RHBDD1: variants seen among roughly 807,000 people sequenced by gnomAD.
RHBDD1 encodes rhomboid-related protein 4.
RHBDD1 carries 38 observed loss-of-function variants against 36.3 expected under a neutral mutation model. The observed-to-expected ratio is 1.05, with a 90% CI of 0.81 to 1.37. RHBDD1 has a LOEUF of 1.37. RHBDD1 is among the 40% of genes most tolerant of loss of function. The pLI is 0.00. For synonymous variants in RHBDD1, 151 were observed against 136.5 expected (o/e 1.11, Z -0.74); for missense variants, 393 against 377.6 (o/e 1.04, Z -0.34).
intron 7 of RHBDD1, among the ~76,000 whole-genome samples, chr2:226,909,614 G>T (rs1948370192): frequency 6.6e-6 from 1 of 152,092 alleles, no homozygotes; most frequent in South Asian, 2.1e-4. Flanking sequence ...AGGTCATGAG[G>T]GTAGGGCCCT....
At chr2:226,939,813 A>G (rs937314977) in intron 8 of RHBDD1, among the ~76,000 whole-genome samples, 2 of 152,326 alleles carry the variant, frequency 1.3e-5, no homozygotes, top group African/African-American at 2.4e-5. Flanking sequence ...AGCCAAGGCA[A>G]TCCTAAGCAA....
chr2:226,912,838 G>A (rs10167422), intron 7 of RHBDD1, among the ~76,000 whole-genome samples: 66,425 of 151,918 alleles, frequency 0.44, 14,691 homozygotes, highest in South Asian at 0.5. Flanking sequence ...TACACTTTAA[G>A]TTGATAAATT....
At chr2:226,828,423 G>C in the RHBDD1 span, among the ~76,000 whole-genome samples, 1 of 152,064 alleles carries the variant, frequency 6.6e-6, no homozygotes, top group Non-Finnish European at 1.5e-5. Flanking sequence ...CATTTCTCTT[G>C]GGTAGATTCC....
chr2:226,886,808 CTT>C (rs1428485212), intron 5 of RHBDD1, among the ~76,000 whole-genome samples: 1 of 152,148 alleles, frequency 6.6e-6, no homozygotes, highest in East Asian at 1.9e-4. Context: ...CTTTGGCAAA[CTT>C]TTAAATGCTT....
At chr2:226,894,415 C>T (rs1008508886) in intron 5 of RHBDD1, among the ~76,000 whole-genome samples, 3 of 151,980 alleles carry the variant, frequency 2.0e-5, no homozygotes, top group Non-Finnish European at 4.4e-5. Context: ...GATTTACAGG[C>T]GTGCACCACC....
At chr2:226,985,631 A>C (rs1330883987) in intron 8 of RHBDD1, among the ~76,000 whole-genome samples, 1 of 152,254 alleles carries the variant, frequency 6.6e-6, no homozygotes, top group Admixed American at 6.5e-5. Flanking sequence ...CATCGGAGTC[A>C]CCCGGGAGCT....
Position 226,948,566 on chromosome 2 carries a change from AAAAAAAAAAAAAAAAAAAACG to A in RHBDD1, c.856+34223_856+34243del, listed in dbSNP as rs1187490085. The stretch of plus-strand genomic sequence containing the variant: ...CATGTACCCTAAAACTTAAAGTATA[AAAAAAAAAAAAAAAAAAAACG>A]AAAAAAATAAAAATAAAAAAAAATA... On this transcript the variant is annotated intron_variant, in intron 8 of 8. Coordinates refer to ENST00000392062, the MANE Select transcript of RHBDD1 (RefSeq NM_001167608.3). Among the ~76,000 whole-genome samples, 6 of 91,740 alleles carry A rather than the reference AAAAAAAAAAAAAAAAAAAACG, an allele frequency of 6.5e-5. No individual in the cohort carries two copies. In the East Asian group the frequency reaches 7.4e-4, roughly 11 times the overall value. The allele number at this position is 91,740 out of a possible 152,430, so 60.2% of individuals were successfully genotyped here. A position where few individuals can be genotyped will look rare whatever the true frequency, so the allele number is the denominator to read the frequency against.
chr2:226,862,966 C>T (rs925384767), intron 3 of RHBDD1, among the ~76,000 whole-genome samples: 6 of 152,190 alleles, frequency 3.9e-5, no homozygotes, highest in Admixed American at 3.9e-4. Flanking sequence ...CCCCTGACCC[C>T]AGGGAGGGCA....
intron 5 of RHBDD1, among the ~76,000 whole-genome samples, chr2:226,896,730 C>T (rs1373382848): frequency 1.3e-5 from 2 of 152,156 alleles, no homozygotes; most frequent in African/African-American, 4.8e-5. Flanking sequence ...ACATGGCACA[C>T]AGGCCTTATG....
intron 3 of RHBDD1, among the ~76,000 whole-genome samples, chr2:226,853,342 A>G (rs1485126352): frequency 6.6e-6 from 1 of 152,172 alleles, no homozygotes; most frequent in Non-Finnish European, 1.5e-5. Context: ...CACAGCCTAG[A>G]ATTTTAGAAG....
intron 8 of RHBDD1, among the ~76,000 whole-genome samples, chr2:226,940,026 A>G (rs1950567363): frequency 6.6e-6 from 1 of 152,212 alleles, no homozygotes; most frequent in African/African-American, 2.4e-5. Context: ...AGGATTCCCT[A>G]TTTAATAAAT....
upstream of RHBDD1, among the ~76,000 whole-genome samples, chr2:226,830,852 T>C (rs1940723634): frequency 6.6e-6 from 1 of 152,156 alleles, no homozygotes; most frequent in Non-Finnish European, 1.5e-5. Context: ...TAATTTGTTG[T>C]ATAGATAGGA....
At chr2:226,826,936 C>T in the RHBDD1 span, among the ~76,000 whole-genome samples, 3 of 152,094 alleles carry the variant, frequency 2.0e-5, no homozygotes, top group Non-Finnish European at 1.5e-5. Flanking sequence ...ATTTCTAAGA[C>T]ATGTTAATAG....
Position 226,998,290 on chromosome 2 carries a change from G to A in RHBDD1, c.*2768G>A, listed in dbSNP as rs1212880529. 6.6e-6 allele frequency: 1 copy of A among 152,156 alleles called. No individual in the cohort carries two copies. Among genetic ancestry groups the A allele is most frequent in the Non-Finnish European group, 1.5e-5 (1 of 68,046 alleles). 9.4% of individuals were successfully genotyped at this position (152,156 alleles called of 1,614,324 possible). On this transcript the variant is annotated 3_prime_UTR_variant, in exon 9 of 9. Coordinates refer to ENST00000392062, the MANE Select transcript of RHBDD1 (RefSeq NM_001167608.3). ...AATTGCCTGCTGCAGTAAATAACTA[G>A]TTTGAGTAGAACTAGATCCTGTCTA...
At chr2:226,954,208 A>G (rs890891827) in intron 8 of RHBDD1, among the ~76,000 whole-genome samples, 4 of 152,200 alleles carry the variant, frequency 2.6e-5, no homozygotes, top group Non-Finnish European at 4.4e-5. Context: ...AGATACATAG[A>G]TGAGTTTTTA....
intron 5 of RHBDD1, among the ~76,000 whole-genome samples, chr2:226,892,508 G>A (rs929861913): frequency 1.7e-4 from 26 of 152,274 alleles, no homozygotes; most frequent in Admixed American, 1.4e-3. Context: ...GAGGTATCAG[G>A]TTTTTATAAG....
At chr2:226,969,117 A>C in intron 8 of RHBDD1, 2 of 180,972 alleles carry the variant, frequency 1.1e-5, no homozygotes, top group East Asian at 2.7e-4. Flanking sequence ...TTCCCATGTC[A>C]GAACACTGAG....
Position 226,908,582 on chromosome 2 carries a change from T to TACACACAC in RHBDD1, c.656-208_656-201dup, listed in dbSNP as rs10559846. 4.6e-3 allele frequency: 1,598 copies of TACACACAC among 346,878 alleles called. 11 individuals are homozygous for TACACACAC. Among genetic ancestry groups the TACACACAC allele is most frequent in the African/African-American group, 0.027 (1,179 of 44,484 alleles). The allele number at this position is 346,878 out of a possible 1,614,324, so 21.5% of individuals were successfully genotyped here. The stretch of plus-strand genomic sequence containing the variant: ...TGTAAATTAGGGTTTCATTTTCCAC[T>TACACACAC]ACACACACACACACACACACACACA... On this transcript the variant is annotated intron_variant, in intron 6 of 8. Coordinates refer to ENST00000392062, the MANE Select transcript of RHBDD1 (RefSeq NM_001167608.3).
At chr2:226,905,892 G>A (rs1236433229) in intron 5 of RHBDD1, among the ~76,000 whole-genome samples, 2 of 152,164 alleles carry the variant, frequency 1.3e-5, no homozygotes, top group African/African-American at 2.4e-5. Context: ...ATGTGTGCAT[G>A]TGTGCGCGGG....
Sources: gnomAD v4.1 joint callset for allele counts (sites outside exome capture counted in the v4.1 genomes callset) on GRCh38, gnomAD v4.1.1 for gene constraint, MANE v1.5 for transcripts, NCBI Gene and HGNC (gene_info 2026-07-23, HGNC 2026-07-21) for gene names.